Variants in CYP4X1 observed in about 807,000 individuals in gnomAD.
CYP4X1 encodes the protein cytochrome P450 family 4 subfamily X member 1.
A neutral mutation model predicts 57.9 loss-of-function variants in CYP4X1; 44 were observed. The ratio of observed to expected loss-of-function variants is 0.76; its 90% CI spans 0.60 to 0.98. CYP4X1 has a LOEUF of 0.98. CYP4X1 is among the 50% of genes least tolerant of loss of function. The pLI is 0.00. For synonymous variants in CYP4X1, 227 were observed against 228.6 expected (o/e 0.99, Z 0.06); for missense variants, 532 against 623.9 (o/e 0.85, Z 1.57).
Position 47,030,123 on chromosome 1 carries a change from G to A in CYP4X1, c.311G>A (p.Ser104Asn). 1 of 1,613,618 alleles carries A rather than the reference G, an allele frequency of 6.2e-7. No individual in the cohort carries two copies. Among genetic ancestry groups the A allele is most frequent in the East Asian group, 2.2e-5 (1 of 44,864 alleles). The stretch of plus-strand genomic sequence containing the variant: ...CCAGACTATGCAAAGACACTTCTGA[G>A]CAGAACAGGTAAGAAGAGGGGGAAA... ...YDPDYAKTLL[S>N]RTDPKSQYLQ... Residue 104 changes from serine to asparagine, a missense_variant, in exon 2 of 12, where the codon AGC (serine) becomes AAC (asparagine). By Grantham distance (46) the Ser-to-Asn change is conservative. Coordinates refer to ENST00000371901, the MANE Select transcript of CYP4X1 (RefSeq NM_178033.2).
intron 8 of CYP4X1, among the ~76,000 whole-genome samples, chr1:47,045,796 G>A (rs1323717420): frequency 6.6e-6 from 1 of 152,212 alleles, no homozygotes; most frequent in Admixed American, 6.5e-5. Flanking sequence ...ACTTTCCAGA[G>A]GTGATTCAGG....
chr1:47,048,499 T>A (rs1321938080), intron 9 of CYP4X1, 66 bp from the exon 10 acceptor site: 1 of 1,550,588 alleles, frequency 6.4e-7, no homozygotes, highest in Admixed American at 1.7e-5. Flanking sequence ...AAGTCTTGTT[T>A]AAGAGCACAG....
At chr1:46,971,183 G>T in the CYP4X1 span, among the ~76,000 whole-genome samples, 59 of 152,244 alleles carry the variant, frequency 3.9e-4, no homozygotes, top group Admixed American at 5.9e-4. Context: ...GTGGTGTTTG[G>T]TTTTCTGTTC....
intron 6 of CYP4X1, among the ~76,000 whole-genome samples, chr1:47,038,340 T>A (rs1644207971): frequency 6.6e-6 from 1 of 152,214 alleles, no homozygotes; most frequent in African/African-American, 2.4e-5. Flanking sequence ...CATTCCATTT[T>A]ATTTAATAAC....
At chr1:47,023,076 G>A (rs1370854653), upstream of CYP4X1, among the ~76,000 whole-genome samples, 2 of 152,228 alleles carry the variant, frequency 1.3e-5, no homozygotes, top group Non-Finnish European at 2.9e-5. Flanking sequence ...ACCCAGAAGA[G>A]CATATGCTCG....
the CYP4X1 span, among the ~76,000 whole-genome samples, chr1:46,999,026 T>TTGTGTGTGTGTGTGTGTGTGTGTG: frequency 6.9e-4 from 99 of 143,320 alleles, no homozygotes; most frequent in African/African-American, 2.6e-3. Context: ...CTTGCTTTCT[T>TTGTGTGTGTGTGTGTGTGTGTGTG]TGTGTGTGTG....
chr1:47,031,372 A>C (rs1644121950), intron 2 of CYP4X1, 64 bp from the exon 3 acceptor site: 1 of 1,585,962 alleles, frequency 6.3e-7, no homozygotes, highest in East Asian at 2.2e-5. Context: ...ACCGTCACCA[A>C]CTTGAACTGA....
chr1:47,049,585 A>G (rs1644339642), intron 11 of CYP4X1, 81 bp downstream of exon 11: 1 of 1,251,466 alleles, frequency 8.0e-7, no homozygotes, highest in Non-Finnish European at 1.2e-6. Flanking sequence ...CCTCAGCTCT[A>G]TACATTCTTC....
At chr1:46,967,530 A>C in the CYP4X1 span, 1 of 206,170 alleles carries the variant, frequency 4.9e-6, no homozygotes, top group Admixed American at 6.0e-5. Flanking sequence ...GGTGAGAGAA[A>C]GAAGGGCAGA....
the CYP4X1 span, among the ~76,000 whole-genome samples, chr1:46,991,954 T>C: frequency 6.6e-6 from 1 of 152,074 alleles, no homozygotes; most frequent in Non-Finnish European, 1.5e-5. Context: ...ATGAAACAGA[T>C]CCCACTCAAC....
the CYP4X1 span, among the ~76,000 whole-genome samples, chr1:46,976,482 G>GGCCT: frequency 1.3e-5 from 2 of 152,108 alleles, no homozygotes; most frequent in Non-Finnish European, 2.9e-5. Context: ...AGCTCAATGA[G>GGCCT]GCCTGCCTGC....
At chr1:47,030,550 T>C (rs1644114301) in intron 2 of CYP4X1, among the ~76,000 whole-genome samples, 3 of 152,154 alleles carry the variant, frequency 2.0e-5, no homozygotes, top group Non-Finnish European at 4.4e-5. Flanking sequence ...GATCATTAAT[T>C]TACCCATCAG....
chr1:46,977,478 A>C, the CYP4X1 span, among the ~76,000 whole-genome samples: 1 of 152,146 alleles, frequency 6.6e-6, no homozygotes, highest in Non-Finnish European at 1.5e-5. Context: ...GGACTATGTG[A>C]AAAGATCAAA....
At chr1:47,043,254 T>C (rs904052461) in intron 8 of CYP4X1, among the ~76,000 whole-genome samples, 1 of 152,196 alleles carries the variant, frequency 6.6e-6, no homozygotes, top group African/African-American at 2.4e-5. Context: ...TTTGTACATC[T>C]TCTTTTGAGA....
intron 1 of CYP4X1, among the ~76,000 whole-genome samples, chr1:47,028,130 G>A (rs1000831153): frequency 7.9e-5 from 12 of 152,104 alleles, no homozygotes; most frequent in African/African-American, 2.7e-4. Flanking sequence ...TTATTCAATA[G>A]CCAACATATG....
chr1:46,971,724 T>G, the CYP4X1 span, among the ~76,000 whole-genome samples: 1 of 152,248 alleles, frequency 6.6e-6, no homozygotes, highest in African/African-American at 2.4e-5. Flanking sequence ...TATCTTCTTT[T>G]GAGAAGTGTC....
At position 47,039,538 on chromosome 1, in the gene CYP4X1, A is replaced by G. The variant is rs765651142; in HGVS notation, c.1073+6A>G. On this transcript the variant is annotated splice_donor_region_variant and intron_variant, in intron 8 of 11. Coordinates refer to ENST00000371901, the MANE Select transcript of CYP4X1 (RefSeq NM_178033.2). ...GATGGGTCTTCTATCACTTGGTAAG[A>G]TCTGCACCCCTAAATTTTCCTGCTA... 2.5e-6 allele frequency: 4 copies of G among 1,575,110 alleles called. No individual in the cohort carries two copies. In the Admixed American group the frequency reaches 7.9e-5, roughly 31 times the overall value.
intron 8 of CYP4X1, among the ~76,000 whole-genome samples, chr1:47,046,133 C>G (rs1194224199): frequency 6.6e-6 from 1 of 152,192 alleles, no homozygotes; most frequent in East Asian, 1.9e-4. Context: ...TTAAGCCTCT[C>G]CTCTTTAATC....
At chr1:47,018,994 T>G (rs1431031767), upstream of CYP4X1, among the ~76,000 whole-genome samples, 1 of 152,094 alleles carries the variant, frequency 6.6e-6, no homozygotes, top group Non-Finnish European at 1.5e-5. Flanking sequence ...GCAGATGAAC[T>G]GGGGAGGAAG....
Sources: allele counts gnomAD v4.1 joint callset (sites outside exome capture counted in the v4.1 genomes callset), GRCh38; gene constraint gnomAD v4.1.1; transcripts MANE v1.5; gene names NCBI Gene and HGNC (gene_info 2026-07-23, HGNC 2026-07-21).